The following GPC5 variants were observed in gnomAD, a reference collection of about 807,000 sequenced individuals.
GPC5 encodes the protein glypican 5, also known as glypican-5.
In GPC5, 47 loss-of-function variants were observed where a neutral mutation model predicts 53.9. The ratio of observed to expected loss-of-function variants is 0.87; its 90% CI spans 0.69 to 1.11. The LOEUF (loss-of-function observed/expected upper bound fraction) is 1.11. Ranked by LOEUF, GPC5 falls within the 50% of genes most tolerant of loss-of-function variation. The pLI, the probability that GPC5 is intolerant of heterozygous loss-of-function variation, is 0.00. For missense variants in GPC5, 748 were observed against 713.1 expected, an observed-to-expected ratio of 1.05 and a Z score of -0.56; for synonymous variants, 286 against 263.3, an observed-to-expected ratio of 1.09 and a Z score of -0.84.
Position 91,961,738 on chromosome 13 carries a change from G to A in GPC5, c.1401+53681G>A, listed in dbSNP as rs563960580. ...AAAGATAACTATTGTGTCATGCATCGTAGGTGGATCTCACTAGCGTAATAC... is the reference window on the plus strand; with the variant it reads ...AAAGATAACTATTGTGTCATGCATCATAGGTGGATCTCACTAGCGTAATAC... On this transcript the variant is annotated intron_variant, in intron 6 of 7. Coordinates refer to ENST00000377067, the MANE Select transcript of GPC5 (RefSeq NM_004466.6). 7.2e-5 allele frequency among the ~76,000 whole-genome samples: 11 copies of A among 152,132 alleles called. No individual in the cohort carries two copies. The South Asian group carries it at 2.1e-3, about 29-fold the overall frequency.
chr13:92,067,217 G>T (rs1463572247), intron 6 of GPC5, among the ~76,000 whole-genome samples: 1 of 152,048 alleles, frequency 6.6e-6, no homozygotes, highest in Admixed American at 6.5e-5. Context: ...CCAGGCATTT[G>T]TTGAGAGTGA....
chr13:91,428,757 T>C (rs1879233476), intron 1 of GPC5, among the ~76,000 whole-genome samples: 1 of 152,028 alleles, frequency 6.6e-6, no homozygotes, highest in Admixed American at 6.6e-5. Flanking sequence ...TAATGTGAAG[T>C]TTTAAGTGAT....
intron 7 of GPC5, among the ~76,000 whole-genome samples, chr13:92,495,625 CTT>C (rs71123409): frequency 0.12 from 18,113 of 146,496 alleles, 1,124 homozygotes; most frequent in African/African-American, 0.14. Flanking sequence ...TTTAAGGAGA[CTT>C]TTTTTTTTTT....
chr13:92,570,862 A>C (rs573002719), intron 7 of GPC5, among the ~76,000 whole-genome samples: 14 of 152,300 alleles, frequency 9.2e-5, no homozygotes, highest in Non-Finnish European at 1.8e-4. Context: ...GCCACATAAA[A>C]TGCTGAGTTC....
intron 6 of GPC5, among the ~76,000 whole-genome samples, chr13:92,134,841 T>C (rs1214873681): frequency 6.6e-6 from 1 of 152,154 alleles, no homozygotes; most frequent in Non-Finnish European, 1.5e-5. Context: ...AGTATATGTA[T>C]ATGTGATTTG....
At chr13:92,616,015 C>T (rs1207545002) in intron 7 of GPC5, among the ~76,000 whole-genome samples, 5 of 152,162 alleles carry the variant, frequency 3.3e-5, no homozygotes, top group Admixed American at 1.3e-4. Flanking sequence ...GATCGCGCCA[C>T]TGCACTCCAG....
At chr13:91,983,197 T>A (rs896216170) in intron 6 of GPC5, among the ~76,000 whole-genome samples, 1 of 152,126 alleles carries the variant, frequency 6.6e-6, no homozygotes, top group South Asian at 2.1e-4. Context: ...TACAAAAAAA[T>A]TAGCCGGGCG....
chr13:91,723,991 C>G (rs899556579), intron 3 of GPC5, among the ~76,000 whole-genome samples: 4 of 152,166 alleles, frequency 2.6e-5, no homozygotes, highest in African/African-American at 9.7e-5. Flanking sequence ...TTCTCCAACA[C>G]TGAGAAGAAC....
intron 7 of GPC5, among the ~76,000 whole-genome samples, chr13:92,825,720 T>C (rs1877824354): frequency 6.6e-6 from 1 of 152,160 alleles, no homozygotes; most frequent in South Asian, 2.1e-4. Context: ...CTCCTCACTA[T>C]ACTATGTTTA....
chr13:92,480,463 C>G (rs1414769376), intron 7 of GPC5, among the ~76,000 whole-genome samples: 2 of 152,024 alleles, frequency 1.3e-5, no homozygotes, highest in African/African-American at 4.8e-5. Context: ...AAAGAAAACC[C>G]AAGTTTAAGA....
chr13:92,415,183 A>G (rs1049074296), intron 7 of GPC5, among the ~76,000 whole-genome samples: 2 of 152,196 alleles, frequency 1.3e-5, no homozygotes, highest in Admixed American at 1.3e-4. Context: ...ACATGTTCAT[A>G]ACTTAATGTT....
intron 2 of GPC5, among the ~76,000 whole-genome samples, chr13:91,633,030 G>A (rs2034198337): frequency 1.3e-5 from 2 of 152,230 alleles, no homozygotes; most frequent in South Asian, 2.1e-4. Context: ...AAATGAAAAT[G>A]AGCATCAAGA....
chr13:92,161,962 T>TATATATATATATATATATATATATAGCC (rs2041991783), intron 7 of GPC5, among the ~76,000 whole-genome samples: 1 of 34,984 alleles, frequency 2.9e-5, no homozygotes, highest in African/African-American at 1.1e-4. Flanking sequence ...TAGCCATATA[T>TATATATATATATATATATATATATAGCC]ATATATATAT....
At chr13:92,354,116 A>G (rs2043502901) in intron 7 of GPC5, among the ~76,000 whole-genome samples, 1 of 152,216 alleles carries the variant, frequency 6.6e-6, no homozygotes, top group African/African-American at 2.4e-5. Flanking sequence ...CCTTGTCAAA[A>G]CGCAAGTCAT....
chr13:91,443,694 A>C (rs1044509170), intron 1 of GPC5, among the ~76,000 whole-genome samples: 47 of 152,326 alleles, frequency 3.1e-4, no homozygotes, highest in African/African-American at 1.1e-3. Context: ...TAATCCAAGC[A>C]TGAGGAATGC....
intron 7 of GPC5, among the ~76,000 whole-genome samples, chr13:92,699,443 TCTTA>T (rs1354432090): frequency 1.3e-5 from 2 of 152,122 alleles, no homozygotes; most frequent in Non-Finnish European, 1.5e-5. Context: ...TCTGTTCTGA[TCTTA>T]CTTATTTCTT....
At chr13:92,851,666 G>T (rs1237518046) in intron 7 of GPC5, among the ~76,000 whole-genome samples, 1 of 151,216 alleles carries the variant, frequency 6.6e-6, no homozygotes, top group Non-Finnish European at 1.5e-5. Context: ...CGGATCACAA[G>T]ATCAGGAGAT....
chr13:92,684,882 C>T (rs1566363031), intron 7 of GPC5, among the ~76,000 whole-genome samples: 1 of 152,234 alleles, frequency 6.6e-6, no homozygotes, highest in South Asian at 2.1e-4. Context: ...TATTTCTGCT[C>T]ATTGTTTTAC....
intron 7 of GPC5, among the ~76,000 whole-genome samples, chr13:92,451,524 A>G (rs1456359216): frequency 6.6e-6 from 1 of 152,172 alleles, no homozygotes; most frequent in Non-Finnish European, 1.5e-5. Context: ...GCCATGCAAG[A>G]TAGGAATCAA....
Sources: allele counts gnomAD v4.1 joint callset (sites outside exome capture counted in the v4.1 genomes callset), GRCh38; gene constraint gnomAD v4.1.1; transcripts MANE v1.5; gene names NCBI Gene and HGNC (gene_info 2026-07-23, HGNC 2026-07-21).